The following ALG11 variants were observed in gnomAD, a reference collection of about 807,000 sequenced individuals.
ALG11 encodes the protein ALG11 alpha-1,2-mannosyltransferase, also known as GDP-Man:Man(3)GlcNAc(2)-PP-Dol alpha-1,2-mannosyltransferase.
ALG11 carries 26 observed loss-of-function variants against 38.8 expected under a neutral mutation model. That is an observed-to-expected ratio of 0.67 (90% CI 0.49 to 0.93). ALG11 has a LOEUF of 0.93. Ranked by LOEUF, ALG11 falls within the 40% of genes least tolerant of loss-of-function variation. The probability of loss-of-function intolerance (pLI) is 0.00; values close to 1 mark genes in which losing one functional copy is unlikely to be tolerated. For synonymous variants in ALG11, 199 were observed against 211.6 expected, an observed-to-expected ratio of 0.94 and a Z score of 0.52; for missense variants, 535 against 578.8, an observed-to-expected ratio of 0.92 and a Z score of 0.78.
At position 52,031,222 on chromosome 13, in the gene ALG11, C is replaced by A; in HGVS notation, c.*2632C>A. ...CTCAGCACATTGCATGTAGTTGAGC[C>A]ACATTTTTTAAAAAAAGAAAATGGA... On this transcript the variant is annotated 3_prime_UTR_variant, in exon 4 of 4. Transcript: ENST00000521508. The A allele has an allele frequency of 6.9e-7, 1 of 1,443,218 alleles. No homozygotes were observed. The highest frequency in any genetic ancestry group is 1.5e-5 in the South Asian group (1 of 64,770). The allele number at this position is 1,443,218 out of a possible 1,614,324, so 89.4% of individuals were successfully genotyped here.
rs1566705955 is a variant in ALG11 at position 52,024,379 on chromosome 13, T to G, written c.649T>G (p.Phe217Val). ...TGTAGTGAAGAATCAAAATATTGGA[T>G]TTAATAATGCAGCCTTCATTACCAG... ...LSVVKNQNIG[F>V]NNAAFITRNP... Residue 217 changes from phenylalanine (F) to valine (V), a missense_variant, in exon 3 of 4, where the codon TTT becomes GTT. By Grantham distance (50) the Phe-to-Val change is conservative. Coordinates refer to ENST00000521508, the MANE Select transcript of ALG11 (RefSeq NM_001004127.3). 4 of 1,613,862 alleles carry G rather than the reference T, an allele frequency of 2.5e-6. No individual in the cohort carries two copies. The highest frequency in any genetic ancestry group is 2.7e-5 in the African/African-American group (2 of 74,924).
intron 1 of ALG11, among the ~76,000 whole-genome samples, chr13:52,018,307 A>G (rs757086971): frequency 1.1e-4 from 17 of 152,336 alleles, no homozygotes; most frequent in Admixed American, 9.8e-4. Context: ...GTAGAACATT[A>G]GTGGGTTTTT....
chr13:52,029,938 C>T lies in ALG11; in HGVS notation c.*1348C>T. ...CGAATCCCTGGATGTTCAGGAGCTG[C>T]ACCAGTGACACCAAAGAGGCTGCAA... is the stretch of plus-strand genomic sequence containing the variant. On this transcript the variant is annotated 3_prime_UTR_variant, in exon 4 of 4. Transcript: ENST00000521508. 1.9e-6 allele frequency: 3 copies of T among 1,614,190 alleles called. No individual in the cohort carries two copies. The highest frequency in any genetic ancestry group is 1.1e-5 in the South Asian group (1 of 91,082).
At chr13:52,025,849 T>A (rs1954235491) in intron 3 of ALG11, among the ~76,000 whole-genome samples, 1 of 152,242 alleles carries the variant, frequency 6.6e-6, no homozygotes, top group Non-Finnish European at 1.5e-5. Context: ...CTTATACTCT[T>A]TTTACTCCTA....
At position 52,028,652 on chromosome 13, in the gene ALG11, T is replaced by C; in HGVS notation, c.*62T>C. ...CTGGTTAAACACCTTCATATGTAAA[T>C]ATTTTTCTAAATTCAATCTCATTTG... On this transcript the variant is annotated 3_prime_UTR_variant, in exon 4 of 4. Coordinates refer to ENST00000521508, the MANE Select transcript of ALG11 (RefSeq NM_001004127.3). The C allele has an allele frequency of 1.3e-6, 2 of 1,565,010 alleles. No homozygotes were observed. Among genetic ancestry groups the C allele is most frequent in the Non-Finnish European group, 1.7e-6 (2 of 1,143,988 alleles).
At chr13:52,017,426 C>T (rs770507576) in intron 1 of ALG11, 3 of 152,298 alleles carry the variant, frequency 2.0e-5, no homozygotes, top group Non-Finnish European at 2.9e-5. Context: ...TGGCCATGTC[C>T]CCACCCAAAT....
At chr13:52,021,588 A>C (rs1033418021) in intron 2 of ALG11, 1 of 152,254 alleles carries the variant, frequency 6.6e-6, no homozygotes, top group Non-Finnish European at 1.5e-5. Context: ...GTGAGCAGGG[A>C]AATTAGTTTA....
At chr13:52,018,875 ATATC>A (rs1954158218) in intron 1 of ALG11, 34 bp from the exon 2 acceptor site, 2 of 1,535,298 alleles carry the variant, frequency 1.3e-6, no homozygotes, top group Middle Eastern at 1.7e-4. Flanking sequence ...TTTAATGTAT[ATATC>A]ACATTGATTC....
chr13:52,024,035 C>G lies in ALG11; in HGVS notation c.305C>G (p.Thr102Ser). ...CCTGAAGCAGTTTATGTTGTTTATA[C>G]CGGCGATGTTAATGTCAACGGTCAA... ...KYPEAVYVVY[T>S]GDVNVNGQQI... Residue 102 changes from threonine (T) to serine (S), a missense_variant, in exon 3 of 4, where the codon ACC (threonine) becomes AGC (serine). Coordinates refer to ENST00000521508, the MANE Select transcript of ALG11 (RefSeq NM_001004127.3). 2 of 1,614,062 alleles carry G rather than the reference C, an allele frequency of 1.2e-6. No homozygotes were observed. The highest frequency in any genetic ancestry group is 1.7e-6 in the Non-Finnish European group (2 of 1,179,996).
Position 52,030,433 on chromosome 13 carries a change from G to T in ALG11, c.*1843G>T. The T allele has an allele frequency of 6.2e-7, 1 of 1,614,218 alleles. No individual in the cohort carries two copies. The highest frequency in any genetic ancestry group is 1.3e-5 in the African/African-American group (1 of 75,034). ...AGTCAGAGAGGACCCCAAATAATCGGCCTGATGCCCCTAAGGAGAAGAAAG... is the reference window on the plus strand; with the variant it reads ...AGTCAGAGAGGACCCCAAATAATCGTCCTGATGCCCCTAAGGAGAAGAAAG... On this transcript the variant is annotated 3_prime_UTR_variant, in exon 4 of 4. Coordinates refer to ENST00000521508, the MANE Select transcript of ALG11 (RefSeq NM_001004127.3).
At position 52,031,472 on chromosome 13, in the gene ALG11, G is replaced by C. The variant is rs1231316337; in HGVS notation, c.*2882G>C. ...TATAGGTGTGTGTAGGGTGGTAGAG[G>C]CCAAGGTGCTGCCAGCAATCCTTTC... is the stretch of plus-strand genomic sequence containing the variant. On this transcript the variant is annotated 3_prime_UTR_variant, in exon 4 of 4. Transcript: ENST00000521508. 2 of 204,322 alleles carry C rather than the reference G, an allele frequency of 9.8e-6. No homozygotes were observed. The highest frequency in any genetic ancestry group is 1.3e-4 in the East Asian group (1 of 7,778). The allele number at this position is 204,322 out of a possible 1,614,324, so 12.7% of individuals were successfully genotyped here. A position where few individuals can be genotyped will look rare whatever the true frequency, so the allele number is the denominator to read the frequency against.
chr13:52,024,755 T>C lies in ALG11; in HGVS notation c.1025T>C (p.Ile342Thr). Residue 342 changes from isoleucine (I) to threonine (T), a missense_variant, in exon 3 of 4, where the codon ATT becomes ACT. Coordinates refer to ENST00000521508, the MANE Select transcript of ALG11 (RefSeq NM_001004127.3). Reference sequence around the variant, plus strand: ...CCTCCTTCGCTTAAACTTGTCCTCATTGGAGGTTGTCGTAACAAAGATGAT... The same window carrying C: ...CCTCCTTCGCTTAAACTTGTCCTCACTGGAGGTTGTCGTAACAAAGATGAT... ...ESPPSLKLVL[I>T]GGCRNKDDEL... is the part of the protein sequence containing the mutation. 1 of 1,614,228 alleles carries C rather than the reference T, an allele frequency of 6.2e-7. No homozygotes were observed. Among genetic ancestry groups the C allele is most frequent in the Non-Finnish European group, 8.5e-7 (1 of 1,180,042 alleles).
rs941883374 is a variant in ALG11 at position 52,030,017 on chromosome 13, A to T, written c.*1427A>T. 6.2e-6 allele frequency: 10 copies of T among 1,614,118 alleles called. No individual in the cohort carries two copies. In the African/African-American group the frequency reaches 1.2e-4, roughly 19 times the overall value. On this transcript the variant is annotated 3_prime_UTR_variant, in exon 4 of 4. Transcript: ENST00000521508. ...GCTTGCAGCTCATGAGGTTTCTGCAAGTGAGGCAGAAGAAAGACCAGTGGC... is the reference window on the plus strand; with the variant it reads ...GCTTGCAGCTCATGAGGTTTCTGCATGTGAGGCAGAAGAAAGACCAGTGGC...
rs770374423 is a variant in ALG11 at position 52,030,698 on chromosome 13, G to A, written c.*2108G>A. ...GGACCTGACACTACCTGGCTGGGGC[G>A]AGTGGGGTGGTGTGGGCCTAAAGCC... On this transcript the variant is annotated 3_prime_UTR_variant, in exon 4 of 4. Transcript: ENST00000521508. The A allele has an allele frequency of 1.2e-5, 20 of 1,614,230 alleles. No individual in the cohort carries two copies. The highest frequency in any genetic ancestry group is 4.5e-5 in the East Asian group (2 of 44,892).
chr13:52,021,865 T>G (rs1207438520), intron 2 of ALG11: 1 of 152,236 alleles, frequency 6.6e-6, no homozygotes, highest in Non-Finnish European at 1.5e-5. Context: ...TCGGGCTGGT[T>G]GGACTCCGTA....
intron 1 of ALG11, among the ~76,000 whole-genome samples, chr13:52,014,285 G>A (rs956581968): frequency 2.6e-5 from 4 of 152,128 alleles, no homozygotes; most frequent in Admixed American, 1.3e-4. Flanking sequence ...TAAATCATTG[G>A]CACCCTTCTT....
At chr13:52,013,443 C>T (rs761849897) in intron 1 of ALG11, among the ~76,000 whole-genome samples, 1 of 152,164 alleles carries the variant, frequency 6.6e-6, no homozygotes. Context: ...CCCTGTCATA[C>T]GTAATATTCC....
intron 1 of ALG11, chr13:52,016,852 T>G (rs1404642045): frequency 6.6e-6 from 1 of 152,194 alleles, no homozygotes; most frequent in Non-Finnish European, 1.5e-5. Flanking sequence ...CACTGCCTAG[T>G]GGAGCTGCGA....
At position 52,028,778 on chromosome 13, in the gene ALG11, T is replaced by C. The variant is rs1201370818; in HGVS notation, c.*188T>C. On this transcript the variant is annotated 3_prime_UTR_variant, in exon 4 of 4. Coordinates refer to ENST00000521508, the MANE Select transcript of ALG11 (RefSeq NM_001004127.3). ...ACTAGCCTTCGGCTTCCATTCTTGG[T>C]ATACATGAGAGAGGCTGGCTGCTGA... 4.3e-6 allele frequency: 7 copies of C among 1,614,160 alleles called. No individual in the cohort carries two copies. Among genetic ancestry groups the C allele is most frequent in the Non-Finnish European group, 5.9e-6 (7 of 1,180,008 alleles).
Sources: allele counts gnomAD v4.1 joint callset (sites outside exome capture counted in the v4.1 genomes callset), GRCh38; gene constraint gnomAD v4.1.1; transcripts MANE v1.5; gene names NCBI Gene and HGNC (gene_info 2026-07-23, HGNC 2026-07-21).